The following OPN5 variants were observed in gnomAD, a reference collection of about 807,000 sequenced individuals.
The protein encoded by OPN5 is opsin-5.
OPN5 carries 18 observed loss-of-function variants against 41.7 expected under a neutral mutation model. The ratio of observed to expected loss-of-function variants is 0.43; its 90% CI spans 0.30 to 0.64. The LOEUF is 0.64. OPN5 is among the 30% of genes least tolerant of loss of function. The probability of loss-of-function intolerance (pLI) is 0.13; values close to 1 mark genes in which losing one functional copy is unlikely to be tolerated. For synonymous variants in OPN5, 178 were observed against 164.3 expected (o/e 1.08, Z -0.64); for missense variants, 318 against 434.5 (o/e 0.73, Z 2.38).
chr6:47,787,233 C>T (rs1363003050), intron 2 of OPN5: 5 of 887,466 alleles, frequency 5.6e-6, no homozygotes, highest in African/African-American at 5.4e-5. Flanking sequence ...TGAATTAAGT[C>T]GTTGAGAGTG....
At chr6:47,795,098 C>G (rs989456548) in intron 3 of OPN5, 131 bp from the exon 4 acceptor site, 1 of 717,550 alleles carries the variant, frequency 1.4e-6, no homozygotes, top group African/African-American at 1.8e-5. Flanking sequence ...CTCCCTCAGG[C>G]TTCAGTTATC....
rs11284494 is a variant in OPN5, at chr6:47,822,109, CAAAA to C, written c.1057-1858_1057-1855del. On this transcript the variant is annotated intron_variant, in intron 6 of 6. Transcript: ENST00000371211. The stretch of plus-strand genomic sequence containing the variant: ...CCTGGGTGACAGTGAGACTCTGTCT[CAAAA>C]AAAAAAAAAAAAAAATGCAGGTGAT... 6.0e-3 allele frequency among the ~76,000 whole-genome samples: 531 copies of C among 89,082 alleles called. 5 individuals are homozygous for C. The highest frequency in any genetic ancestry group is 0.039 in the South Asian group (100 of 2,568). 58.4% of individuals were successfully genotyped at this position (89,082 alleles called of 152,430 possible).
chr6:47,783,843 A>G (rs1773135468), intron 1 of OPN5, among the ~76,000 whole-genome samples: 1 of 152,238 alleles, frequency 6.6e-6, no homozygotes, highest in Non-Finnish European at 1.5e-5. Flanking sequence ...GATCAATTGT[A>G]TTTAGCATAG....
intron 2 of OPN5, among the ~76,000 whole-genome samples, chr6:47,790,559 T>C (rs1442495668): frequency 6.6e-6 from 1 of 152,188 alleles, no homozygotes; most frequent in African/African-American, 2.4e-5. Flanking sequence ...CTTTCTGGGG[T>C]TTCTTAAGGA....
chr6:47,798,015 G>T (rs1773631731), intron 4 of OPN5, among the ~76,000 whole-genome samples: 1 of 152,002 alleles, frequency 6.6e-6, no homozygotes, highest in Non-Finnish European at 1.5e-5. Flanking sequence ...GCTTGACTTG[G>T]ACTGGGTAGA....
intron 5 of OPN5, among the ~76,000 whole-genome samples, 182 bp from the exon 6 acceptor site, chr6:47,811,492 A>G (rs1774202570): frequency 6.6e-6 from 1 of 152,112 alleles, no homozygotes; most frequent in Admixed American, 6.6e-5. Context: ...CTGCCCAAAT[A>G]ATTCCTTGAC....
chr6:47,813,418 G>A (rs557367106), intron 6 of OPN5, among the ~76,000 whole-genome samples: 1 of 152,296 alleles, frequency 6.6e-6, no homozygotes, highest in South Asian at 2.1e-4. Flanking sequence ...GCCGGTGATA[G>A]AGAAGCACCC....
intron 4 of OPN5, among the ~76,000 whole-genome samples, chr6:47,806,512 T>C (rs745917341): frequency 3.9e-5 from 6 of 152,208 alleles, no homozygotes; most frequent in Non-Finnish European, 8.8e-5. Flanking sequence ...ATGTGGAAGA[T>C]GCTCAGTAAT....
intron 2 of OPN5, among the ~76,000 whole-genome samples, chr6:47,789,561 T>C (rs2113952976): frequency 6.6e-6 from 1 of 152,292 alleles, no homozygotes. Flanking sequence ...TAAATAGTTA[T>C]TTTACACTCC....
chr6:47,794,184 A>G (rs1279577161), intron 3 of OPN5, among the ~76,000 whole-genome samples: 7 of 152,236 alleles, frequency 4.6e-5, no homozygotes, highest in Non-Finnish European at 1.0e-4. Flanking sequence ...GACTAGACAT[A>G]GAAGAATTAG....
chr6:47,815,750 C>T (rs1762410009), intron 6 of OPN5, among the ~76,000 whole-genome samples: 1 of 152,108 alleles, frequency 6.6e-6, no homozygotes, highest in Non-Finnish European at 1.5e-5. Flanking sequence ...TGCTCAAAAC[C>T]TCATGCTATT....
intron 1 of OPN5, among the ~76,000 whole-genome samples, chr6:47,784,779 G>A (rs1773157547): frequency 1.3e-5 from 2 of 152,032 alleles, no homozygotes; most frequent in South Asian, 4.2e-4. Context: ...TACTATTATT[G>A]TAAATACTGA....
At chr6:47,785,829 T>C (rs1325257304) in intron 1 of OPN5, among the ~76,000 whole-genome samples, 1 of 151,974 alleles carries the variant, frequency 6.6e-6, no homozygotes, top group Admixed American at 6.5e-5. Flanking sequence ...GGGTTGAGGG[T>C]CACTTTCTCT....
rs150698060 is a variant in OPN5, at chr6:47,783,649, C to T, written c.130+1453C>T. On this transcript the variant is annotated intron_variant, in intron 1 of 6. Coordinates refer to ENST00000371211, the Ensembl canonical transcript of OPN5. ...TAAATGAGTCCCCATCTCTTTTCAA[C>T]ATAAATATATATTGAGCGCCCACTC... 7.2e-5 allele frequency among the ~76,000 whole-genome samples: 11 copies of T among 152,272 alleles called. No individual in the cohort carries two copies. The East Asian group carries it at 1.4e-3, about 19-fold the overall frequency.
At chr6:47,806,064 C>T (rs1773947462) in intron 4 of OPN5, among the ~76,000 whole-genome samples, 1 of 151,742 alleles carries the variant, frequency 6.6e-6, no homozygotes, top group Non-Finnish European at 1.5e-5. Flanking sequence ...CATGTGATGC[C>T]CATGATGTCA....
chr6:47,783,452 T>G (rs1773128084), intron 1 of OPN5, among the ~76,000 whole-genome samples: 1 of 152,146 alleles, frequency 6.6e-6, no homozygotes, highest in Non-Finnish European at 1.5e-5. Flanking sequence ...AGAATTTCAT[T>G]TAACCTCCTG....
chr6:47,784,160 G>T (rs1407163548), intron 1 of OPN5, among the ~76,000 whole-genome samples: 1 of 152,128 alleles, frequency 6.6e-6, no homozygotes. Context: ...TGGAGCCAAT[G>T]GTATGTTAGA....
chr6:47,800,111 TTAAATAAGGGGAATGG>T (rs1334898194), intron 4 of OPN5, among the ~76,000 whole-genome samples: 1 of 152,172 alleles, frequency 6.6e-6, no homozygotes, highest in African/African-American at 2.4e-5. Flanking sequence ...TTGCTACTGA[TTAAATAAGGGGAATGG>T]TAGAGTCACT....
intron 6 of OPN5, among the ~76,000 whole-genome samples, chr6:47,820,355 T>C (rs1196289190): frequency 6.6e-6 from 1 of 152,202 alleles, no homozygotes; most frequent in Non-Finnish European, 1.5e-5. Context: ...ATGGAAAAGC[T>C]GGAATTCCAG....
Sources: allele counts gnomAD v4.1 joint callset (sites outside exome capture counted in the v4.1 genomes callset), GRCh38; gene constraint gnomAD v4.1.1; transcripts MANE v1.5; gene names NCBI Gene and HGNC (gene_info 2026-07-23, HGNC 2026-07-21).